The following GPM6A variants were observed in gnomAD, a reference collection of about 807,000 sequenced individuals.
GPM6A encodes the protein glycoprotein M6A, also known as neuronal membrane glycoprotein M6-a.
GPM6A carries 7 observed loss-of-function variants against 32.1 expected under a neutral mutation model. The observed-to-expected ratio is 0.22, with a 90% CI of 0.12 to 0.41. GPM6A has a LOEUF of 0.41. Ranked by LOEUF, GPM6A falls within the 10% of genes least tolerant of loss-of-function variation. The probability of loss-of-function intolerance (pLI) is 1.00; values close to 1 mark genes in which losing one functional copy is unlikely to be tolerated. For missense variants in GPM6A, 235 were observed against 347.2 expected (o/e 0.68, Z 2.57); for synonymous variants, 130 against 123.4 (o/e 1.05, Z -0.35).
intron 1 of GPM6A, among the ~76,000 whole-genome samples, chr4:175,933,665 C>T (rs1396469249): frequency 6.6e-6 from 1 of 152,244 alleles, no homozygotes; most frequent in South Asian, 2.1e-4. Context: ...GCCTCAGCCT[C>T]CCGAATAGCT....
upstream of GPM6A, among the ~76,000 whole-genome samples, chr4:175,817,258 A>G (rs1437027685): frequency 2.6e-5 from 4 of 152,258 alleles, no homozygotes; most frequent in African/African-American, 9.6e-5. Context: ...ATAATCATAG[A>G]AAGCAGTCAA....
chr4:175,822,790 C>A (rs1344430101), intron 1 of GPM6A, among the ~76,000 whole-genome samples: 1 of 152,070 alleles, frequency 6.6e-6, no homozygotes, highest in Non-Finnish European at 1.5e-5. Context: ...TTAAGACCTG[C>A]ATGCATTAGG....
At chr4:175,969,161 G>T (rs1740422283) in intron 1 of GPM6A, among the ~76,000 whole-genome samples, 1 of 152,140 alleles carries the variant, frequency 6.6e-6, no homozygotes, top group African/African-American at 2.4e-5. Flanking sequence ...TAATTGAAAA[G>T]GCTATGTACT....
intron 1 of GPM6A, among the ~76,000 whole-genome samples, chr4:175,810,039 G>A (rs1433931724): frequency 6.6e-6 from 1 of 152,120 alleles, no homozygotes; most frequent in Admixed American, 6.6e-5. Context: ...AAAATCCTAT[G>A]CAGTTTAAGA....
chr4:175,701,155 G>A (rs1389811701), intron 2 of GPM6A, among the ~76,000 whole-genome samples: 1 of 152,110 alleles, frequency 6.6e-6, no homozygotes, highest in South Asian at 2.1e-4. Context: ...ACCATACCCA[G>A]GGCTGAGTTT....
intron 1 of GPM6A, among the ~76,000 whole-genome samples, chr4:175,730,509 C>T (rs1001392383): frequency 4.0e-5 from 6 of 151,362 alleles, no homozygotes; most frequent in Non-Finnish European, 8.8e-5. Flanking sequence ...CTCGCTCTGT[C>T]GCCCAGGCTG....
At chr4:175,960,201 T>C (rs1740123141) in intron 1 of GPM6A, among the ~76,000 whole-genome samples, 1 of 152,240 alleles carries the variant, frequency 6.6e-6, no homozygotes, top group South Asian at 2.1e-4. Flanking sequence ...TTAAACTTTT[T>C]AAAATAAACT....
chr4:175,879,795 A>G (rs1259291613), intron 1 of GPM6A, among the ~76,000 whole-genome samples: 2 of 152,198 alleles, frequency 1.3e-5, no homozygotes, highest in Non-Finnish European at 2.9e-5. Context: ...TTAGTATATT[A>G]TTTGGTTAGA....
At chr4:175,974,145 G>A (rs1267387596) in intron 1 of GPM6A, among the ~76,000 whole-genome samples, 1 of 151,956 alleles carries the variant, frequency 6.6e-6, no homozygotes, top group Non-Finnish European at 1.5e-5. Flanking sequence ...AGGCAGAATT[G>A]CTTGAACCTG....
intron 1 of GPM6A, among the ~76,000 whole-genome samples, chr4:175,851,383 G>A (rs1736251496): frequency 6.6e-6 from 1 of 151,922 alleles, no homozygotes; most frequent in African/African-American, 2.4e-5. Context: ...TACTCTGGAG[G>A]CTGAGGGAGG....
chr4:175,793,420 A>C (rs1734088890), intron 1 of GPM6A, among the ~76,000 whole-genome samples: 1 of 152,030 alleles, frequency 6.6e-6, no homozygotes, highest in Non-Finnish European at 1.5e-5. Flanking sequence ...TCTGTCCCTC[A>C]GGCTGGAGTG....
At chr4:175,985,545 C>T (rs189424370) in intron 1 of GPM6A, among the ~76,000 whole-genome samples, 1 of 152,276 alleles carries the variant, frequency 6.6e-6, no homozygotes, top group East Asian at 1.9e-4. Flanking sequence ...AACCTTTCCA[C>T]TTATATGTTT....
intron 1 of GPM6A, among the ~76,000 whole-genome samples, chr4:175,931,399 T>C (rs1281080539): frequency 1.3e-5 from 2 of 152,224 alleles, no homozygotes; most frequent in Non-Finnish European, 2.9e-5. Flanking sequence ...GTGTAGAAGT[T>C]TGGCCAGTGA....
At chr4:175,666,090 C>T (rs13123288) in intron 3 of GPM6A, among the ~76,000 whole-genome samples, 2,491 of 151,498 alleles carry the variant, frequency 0.016, 46 homozygotes, top group Non-Finnish European at 0.02. Flanking sequence ...GGCTAATTTT[C>T]GTATTTTTTA....
intron 1 of GPM6A, among the ~76,000 whole-genome samples, chr4:175,713,400 TC>T (rs1264851554): frequency 1.3e-5 from 2 of 151,798 alleles, no homozygotes; most frequent in African/African-American, 4.8e-5. Context: ...ATCATATTGG[TC>T]AGGCTGGTCT....
At chr4:175,818,186 C>T (rs897997353) in intron 1 of GPM6A, among the ~76,000 whole-genome samples, 4 of 152,144 alleles carry the variant, frequency 2.6e-5, no homozygotes, top group African/African-American at 4.8e-5. Flanking sequence ...CTCACCTCTT[C>T]GGCATAACGT....
chr4:175,916,572 A>G (rs1239636910), intron 1 of GPM6A, among the ~76,000 whole-genome samples: 3 of 152,142 alleles, frequency 2.0e-5, no homozygotes, highest in African/African-American at 7.2e-5. Context: ...TGCTAAATTT[A>G]TATTTTATTT....
At chr4:175,708,363 T>TTTTATTTATTTATTTATTTATTTA (rs57574939) in intron 1 of GPM6A, among the ~76,000 whole-genome samples, 1 of 142,208 alleles carries the variant, frequency 7.0e-6, no homozygotes, top group Admixed American at 7.1e-5. Context: ...AGAAGGTTTA[T>TTTTATTTATTTATTTATTTATTTA]TTTATTTATT....
intron 1 of GPM6A, among the ~76,000 whole-genome samples, chr4:175,984,758 C>T (rs1740923789): frequency 6.6e-6 from 1 of 152,026 alleles, no homozygotes; most frequent in African/African-American, 2.4e-5. Flanking sequence ...TTATCAGATG[C>T]ATCTAGAATT....
Sources: allele counts gnomAD v4.1 joint callset (sites outside exome capture counted in the v4.1 genomes callset), GRCh38; gene constraint gnomAD v4.1.1; transcripts MANE v1.5; gene names NCBI Gene and HGNC (gene_info 2026-07-23, HGNC 2026-07-21).